The following SCYL2 variants were observed in gnomAD, a reference collection of about 807,000 sequenced individuals.
SCYL2 encodes the protein SCY1-like protein 2.
SCYL2 carries 36 observed loss-of-function variants against 100.4 expected under a neutral mutation model. That is an observed-to-expected ratio of 0.36 (90% CI 0.27 to 0.47). The LOEUF (loss-of-function observed/expected upper bound fraction) is 0.47. SCYL2 is among the 20% of genes least tolerant of loss of function. The pLI is 1.00. For missense variants in SCYL2, 902 were observed against 1,083.9 expected, an observed-to-expected ratio of 0.83 and a Z score of 2.36; for synonymous variants, 330 against 359.2, an observed-to-expected ratio of 0.92 and a Z score of 0.92.
intron 10 of SCYL2, among the ~76,000 whole-genome samples, chr12:100,322,624 C>T (rs2096357381): frequency 6.6e-6 from 1 of 151,540 alleles, no homozygotes; most frequent in African/African-American, 2.4e-5. Flanking sequence ...GGGCATGGGC[C>T]AAGGTAGGTG....
rs760521513 is a variant in SCYL2 at position 100,335,618 on chromosome 12, C to T, written c.1863-7C>T. The stretch of plus-strand genomic sequence containing the variant: ...TATTGTTTTATCATAATTCAACTCT[C>T]CTACAGATCTTTGGATATAGGAAAT... On this transcript the variant is annotated splice_region_variant and splice_polypyrimidine_tract_variant and intron_variant, in intron 14 of 17. Transcript: ENST00000360820. The T allele has an allele frequency of 6.3e-7, 1 of 1,577,496 alleles. No individual in the cohort carries two copies. The highest frequency in any genetic ancestry group is 1.2e-5 in the South Asian group (1 of 86,754).
Position 100,267,189 on chromosome 12 carries a change from C to G in SCYL2, c.-632C>G. 1.7e-6 allele frequency: 2 copies of G among 1,181,016 alleles called. No individual in the cohort carries two copies. The highest frequency in any genetic ancestry group is 2.4e-6 in the Non-Finnish European group (2 of 841,314). 73.2% of individuals were successfully genotyped at this position (1,181,016 alleles called of 1,614,324 possible). On this transcript the variant is annotated 5_prime_UTR_variant, in exon 1 of 18. Coordinates refer to ENST00000360820, the MANE Select transcript of SCYL2 (RefSeq NM_017988.6). ...CGGCAGGTCTTTTAGTCTTTTTCCC[C>G]CTCCCTTACTCTTCGTCCCCGGTCC...
At chr12:100,297,587 A>G (rs150335661) in intron 3 of SCYL2, among the ~76,000 whole-genome samples, 2 of 152,302 alleles carry the variant, frequency 1.3e-5, no homozygotes, top group African/African-American at 4.8e-5. Context: ...GACTACTCCT[A>G]TTCCAGGGTC....
At chr12:100,284,706 G>A (rs1035906470) in intron 2 of SCYL2, among the ~76,000 whole-genome samples, 25 of 152,066 alleles carry the variant, frequency 1.6e-4, no homozygotes, top group Admixed American at 9.2e-4. Context: ...CAAGTGATCC[G>A]CCCGTCTCGG....
chr12:100,272,954 T>C (rs2096289093), intron 1 of SCYL2, among the ~76,000 whole-genome samples: 1 of 152,218 alleles, frequency 6.6e-6, no homozygotes, highest in South Asian at 2.1e-4. Flanking sequence ...ATCTCTTCTC[T>C]ATCTTCCTTG....
intron 2 of SCYL2, among the ~76,000 whole-genome samples, chr12:100,286,504 G>A (rs1044198233): frequency 6.6e-6 from 1 of 152,026 alleles, no homozygotes; most frequent in African/African-American, 2.4e-5. Context: ...GTTTGTGTTA[G>A]TTGGCTTTAA....
intron 2 of SCYL2, among the ~76,000 whole-genome samples, chr12:100,291,238 C>T (rs909225883): frequency 2.7e-4 from 41 of 152,242 alleles, no homozygotes; most frequent in African/African-American, 9.9e-4. Flanking sequence ...CAGGAAACAA[C>T]ATATTGTACA....
intron 5 of SCYL2, 95 bp from the exon 6 acceptor site, chr12:100,312,337 C>A: frequency 1.1e-6 from 1 of 939,672 alleles, no homozygotes; most frequent in Non-Finnish European, 1.6e-6. Flanking sequence ...TTTTTACTTG[C>A]ATGACCGAGT....
At chr12:100,310,505 A>T (rs1227214093) in intron 4 of SCYL2, among the ~76,000 whole-genome samples, 1 of 152,238 alleles carries the variant, frequency 6.6e-6, no homozygotes, top group East Asian at 1.9e-4. Context: ...TTGGAAACAG[A>T]AATCTAACCT....
intron 1 of SCYL2, among the ~76,000 whole-genome samples, chr12:100,275,104 C>T (rs1300608226): frequency 1.3e-5 from 2 of 152,104 alleles, no homozygotes; most frequent in Non-Finnish European, 2.9e-5. Flanking sequence ...ATAGATCTTG[C>T]ATAGCTTGTT....
intron 2 of SCYL2, among the ~76,000 whole-genome samples, chr12:100,288,836 CA>C (rs897863970): frequency 8.0e-6 from 1 of 125,740 alleles, no homozygotes. Flanking sequence ...GACCCTGTCT[CA>C]AAAAAAGAAA....
intron 4 of SCYL2, among the ~76,000 whole-genome samples, chr12:100,302,694 C>T (rs998734428): frequency 2.0e-5 from 3 of 152,176 alleles, no homozygotes; most frequent in African/African-American, 7.2e-5. Flanking sequence ...TTTTTTCCTT[C>T]ATTTCAACCT....
At chr12:100,293,530 ATTTATTT>A (rs1015516575) in intron 3 of SCYL2, among the ~76,000 whole-genome samples, 16 of 149,272 alleles carry the variant, frequency 1.1e-4, no homozygotes, top group South Asian at 8.4e-4. Flanking sequence ...TTTTTTTTTT[ATTTATTT>A]TTTATTTTTT....
At position 100,317,871 on chromosome 12, in the gene SCYL2, C is replaced by T; in HGVS notation, c.1341C>T (p.Asn447=). ...LTKTPPDEIK[N]SVLPMVYRAL... is the part of the protein sequence containing the mutation. ...AAACCCCTCCTGATGAGATAAAGAA[C>T]AGTGTTCTACCCATGGTTTACAGAG... is the stretch of plus-strand genomic sequence containing the variant. Residue 447 remains asparagine (N), a synonymous_variant, in exon 10 of 18, where the codon AAC becomes AAT. Coordinates refer to ENST00000360820, the MANE Select transcript of SCYL2 (RefSeq NM_017988.6). The T allele has an allele frequency of 6.2e-7, 1 of 1,608,368 alleles. No individual in the cohort carries two copies. Among genetic ancestry groups the T allele is most frequent in the Non-Finnish European group, 8.5e-7 (1 of 1,178,742 alleles).
chr12:100,311,449 A>G (rs550579474), intron 5 of SCYL2, among the ~76,000 whole-genome samples: 1 of 151,690 alleles, frequency 6.6e-6, no homozygotes, highest in Non-Finnish European at 1.5e-5. Context: ...TTTTTTCCTC[A>G]GGATGTCAAA....
intron 2 of SCYL2, among the ~76,000 whole-genome samples, chr12:100,283,563 C>G (rs2096301231): frequency 6.6e-6 from 1 of 152,126 alleles, no homozygotes; most frequent in Non-Finnish European, 1.5e-5. Context: ...CGTCTTAGTG[C>G]AGTCAGTGCT....
At chr12:100,280,664 T>C (rs905333115) in intron 1 of SCYL2, among the ~76,000 whole-genome samples, 11 of 152,188 alleles carry the variant, frequency 7.2e-5, no homozygotes, top group Admixed American at 3.3e-4. Flanking sequence ...TCCAAAAATC[T>C]GAAATGCTCC....
intron 3 of SCYL2, among the ~76,000 whole-genome samples, chr12:100,294,285 G>A: frequency 7.3e-6 from 1 of 136,842 alleles, no homozygotes; most frequent in African/African-American, 2.7e-5. Flanking sequence ...CCCGGACGGG[G>A]CGGCTGGCCG....
Position 100,338,929 on chromosome 12 carries a change from C to G in SCYL2, c.2547C>G (p.Pro849=). ...ATAATCTCTTTGGCCCTCAGAAACC[C>G]AAAGTTAGCATGAACCAGTTATCAC... is the stretch of plus-strand genomic sequence containing the variant. ...ALNNLFGPQK[P]KVSMNQLSQQ... Residue 849 remains proline, a synonymous_variant, in exon 18 of 18, where the codon CCC becomes CCG. Transcript: ENST00000360820. 1 of 1,614,094 alleles carries G rather than the reference C, an allele frequency of 6.2e-7. No individual in the cohort carries two copies. Among genetic ancestry groups the G allele is most frequent in the Non-Finnish European group, 8.5e-7 (1 of 1,179,974 alleles).
Sources: allele counts gnomAD v4.1 joint callset (sites outside exome capture counted in the v4.1 genomes callset), GRCh38; gene constraint gnomAD v4.1.1; transcripts MANE v1.5; gene names NCBI Gene and HGNC (gene_info 2026-07-23, HGNC 2026-07-21).